The following HIVEP3 variants were observed in gnomAD, a reference collection of about 807,000 sequenced individuals.
HIVEP3 encodes HIVEP zinc finger 3, also known as transcription factor HIVEP3.
A neutral mutation model predicts 152.8 loss-of-function variants in HIVEP3; 49 were observed. The ratio of observed to expected loss-of-function variants is 0.32; its 90% CI spans 0.26 to 0.41. The LOEUF is 0.41. Ranked by LOEUF, HIVEP3 falls within the 10% of genes least tolerant of loss-of-function variation. The pLI, the probability that HIVEP3 is intolerant of heterozygous loss-of-function variation, is 1.00. For synonymous variants in HIVEP3, 1,269 were observed against 1,289.0 expected (o/e 0.98, Z 0.33); for missense variants, 2,790 against 3,103.3 (o/e 0.90, Z 2.40).
chr1:42,012,301 A>AC (rs1304688620), intron 1 of HIVEP3, among the ~76,000 whole-genome samples: 5 of 152,068 alleles, frequency 3.3e-5, no homozygotes, highest in African/African-American at 9.7e-5. Flanking sequence ...GTGTTTGCGT[A>AC]CCCCCCAAAT....
At chr1:41,638,274 G>GAAAGAAAGAA in intron 2 of HIVEP3, among the ~76,000 whole-genome samples, 1 of 144,786 alleles carries the variant, frequency 6.9e-6, no homozygotes, top group South Asian at 2.2e-4. Context: ...AAGAAAGAAA[G>GAAAGAAAGAA]AAAGAAAGAG....
intron 1 of HIVEP3, among the ~76,000 whole-genome samples, chr1:41,913,659 G>A (rs1644829510): frequency 6.6e-6 from 1 of 152,126 alleles, no homozygotes; most frequent in African/African-American, 2.4e-5. Flanking sequence ...AGCCTCCTGA[G>A]CAGCTGGCAT....
intron 2 of HIVEP3, among the ~76,000 whole-genome samples, chr1:41,699,145 C>G (rs1250607514): frequency 6.6e-6 from 1 of 152,212 alleles, no homozygotes; most frequent in African/African-American, 2.4e-5. Context: ...GCAGGGAAGC[C>G]CCGAAAGTAA....
intron 1 of HIVEP3, among the ~76,000 whole-genome samples, chr1:41,813,719 T>C (rs1651100583): frequency 6.6e-6 from 1 of 152,108 alleles, no homozygotes; most frequent in South Asian, 2.1e-4. Context: ...TGAGAGACCA[T>C]TAAAGGAGAA....
intron 1 of HIVEP3, among the ~76,000 whole-genome samples, chr1:41,889,033 TAC>T (rs565333823): frequency 0.051 from 6,106 of 120,832 alleles, 358 homozygotes; most frequent in African/African-American, 0.16. Context: ...CCTCACACGC[TAC>T]ACACACACAC....
intron 1 of HIVEP3, among the ~76,000 whole-genome samples, chr1:41,801,106 C>T (rs1650277111): frequency 1.3e-5 from 2 of 152,146 alleles, no homozygotes; most frequent in Admixed American, 6.5e-5. Context: ...GGCAGTGTAA[C>T]CGTGGGCTTA....
At chr1:41,568,575 A>G (rs1013201121) in intron 5 of HIVEP3, among the ~76,000 whole-genome samples, 3 of 152,252 alleles carry the variant, frequency 2.0e-5, no homozygotes, top group Admixed American at 6.5e-5. Flanking sequence ...AGGTGGGAGC[A>G]GGTGACTGTA....
At chr1:42,020,539 A>G (rs1488178374) in intron 1 of HIVEP3, among the ~76,000 whole-genome samples, 1 of 152,158 alleles carries the variant, frequency 6.6e-6, no homozygotes, top group Non-Finnish European at 1.5e-5. Context: ...TCTTCTCCTA[A>G]AATGTCTAAC....
At chr1:41,797,029 G>A (rs564281561) in intron 1 of HIVEP3, among the ~76,000 whole-genome samples, 14 of 152,206 alleles carry the variant, frequency 9.2e-5, no homozygotes, top group African/African-American at 3.4e-4. Context: ...GATGGCCATG[G>A]CAAAAAAAGT....
At chr1:41,920,590 T>G (rs202147696), upstream of HIVEP3, among the ~76,000 whole-genome samples, 3,750 of 133,566 alleles carry the variant, frequency 0.028, 72 homozygotes, top group Middle Eastern at 0.034. Flanking sequence ...TTTTTTTTTT[T>G]GTTTTGTTTT....
At chr1:41,668,515 T>C (rs1645828815) in intron 2 of HIVEP3, among the ~76,000 whole-genome samples, 1 of 152,242 alleles carries the variant, frequency 6.6e-6, no homozygotes, top group African/African-American at 2.4e-5. Context: ...CTTGCAGTCA[T>C]GCCCAGGAAG....
chr1:41,631,136 C>T (rs1026340492), intron 2 of HIVEP3, among the ~76,000 whole-genome samples: 1 of 152,174 alleles, frequency 6.6e-6, no homozygotes, highest in African/African-American at 2.4e-5. Flanking sequence ...GGTGGCGTGG[C>T]GTGTCATATC....
At chr1:41,514,765 C>T (rs1195681702) in intron 7 of HIVEP3, among the ~76,000 whole-genome samples, 1 of 152,190 alleles carries the variant, frequency 6.6e-6, no homozygotes, top group Non-Finnish European at 1.5e-5. Flanking sequence ...CAAGAGTAAA[C>T]AAAAAACAAA....
intron 1 of HIVEP3, among the ~76,000 whole-genome samples, chr1:41,907,826 C>A (rs370553734): frequency 9.5e-4 from 144 of 152,324 alleles, no homozygotes; most frequent in African/African-American, 3.2e-3. Context: ...AAGTTGAGTT[C>A]AGCCAAGCGC....
chr1:41,581,737 T>C lies in HIVEP3; in HGVS notation c.3061A>G (p.Thr1021Ala), dbSNP rs1463202116. Residue 1021 changes from threonine (T) to alanine (A), a missense_variant, in exon 4 of 9, where the codon ACA becomes GCA. Physicochemically the swap from Thr to Ala is moderately conservative, Grantham distance 58. Coordinates refer to ENST00000372583, the MANE Select transcript of HIVEP3 (RefSeq NM_024503.5). The surrounding 1 kb of genome is among the most constrained non-coding windows in gnomAD (Gnocchi z 4.5). ...ACTGGGGCTGGAGCAGAAGGGCCTG[T>C]CAAGGACAAGCTGCCATAGTCAAAG... ...KSFDYGSLSLTGPSAPAPVAP... is the reference protein window; with the variant it reads ...KSFDYGSLSLAGPSAPAPVAP... 6.2e-7 allele frequency: 1 copy of C among 1,607,626 alleles called. No homozygotes were observed. Among genetic ancestry groups the C allele is most frequent in the South Asian group, 1.1e-5 (1 of 89,934 alleles).
intron 1 of HIVEP3, among the ~76,000 whole-genome samples, chr1:41,845,189 T>C (rs563988983): frequency 9.2e-5 from 11 of 120,028 alleles, no homozygotes; most frequent in African/African-American, 4.4e-4. Flanking sequence ...TATTTATCAC[T>C]TTCTAAGAGA....
intron 5 of HIVEP3, among the ~76,000 whole-genome samples, chr1:41,547,432 G>A (rs1643830195): frequency 6.6e-6 from 1 of 152,190 alleles, no homozygotes; most frequent in Non-Finnish European, 1.5e-5. Context: ...GGGGTGCCTG[G>A]CCTGGGCTTT....
chr1:41,821,101 T>G (rs1328580433), intron 1 of HIVEP3, among the ~76,000 whole-genome samples: 1 of 152,134 alleles, frequency 6.6e-6, no homozygotes, highest in Non-Finnish European at 1.5e-5. Flanking sequence ...AGCAGAGCCG[T>G]AAAGCTCTTA....
intron 1 of HIVEP3, among the ~76,000 whole-genome samples, chr1:41,925,289 C>T (rs1644962487): frequency 6.6e-6 from 1 of 152,210 alleles, no homozygotes; most frequent in South Asian, 2.1e-4. Context: ...CTTTTGACTC[C>T]CCCAAAACTT....
Sources: gnomAD v4.1 joint callset for allele counts (sites outside exome capture counted in the v4.1 genomes callset) on GRCh38, gnomAD v4.1.1 for gene constraint, Gnocchi (gnomAD v3.1) non-coding constraint, MANE v1.5 for transcripts, NCBI Gene and HGNC (gene_info 2026-07-23, HGNC 2026-07-21) for gene names.